The following ASIC2 variants were observed in gnomAD, a reference collection of about 807,000 sequenced individuals.
ASIC2 encodes the protein acid-sensing ion channel 2.
In ASIC2, 25 loss-of-function variants were observed where a neutral mutation model predicts 57.3. The observed-to-expected ratio is 0.44, with a 90% confidence interval of 0.32 to 0.61. The LOEUF (loss-of-function observed/expected upper bound fraction) is 0.61, where lower values mean the gene tolerates loss of function less well. ASIC2 is among the 20% of genes least tolerant of loss of function. The pLI is 0.06. For missense variants in ASIC2, 641 were observed against 738.1 expected (o/e 0.87, Z 1.52); for synonymous variants, 319 against 307.5 (o/e 1.04, Z -0.39).
chr17:33,877,499 G>A (rs777919065), intron 1 of ASIC2, among the ~76,000 whole-genome samples: 10 of 152,202 alleles, frequency 6.6e-5, no homozygotes, highest in Admixed American at 3.3e-4. Context: ...AGGGTCCTAC[G>A]CCCATGCAGC....
intron 1 of ASIC2, among the ~76,000 whole-genome samples, chr17:33,696,466 T>C (rs993115505): frequency 6.6e-6 from 1 of 152,160 alleles, no homozygotes; most frequent in Non-Finnish European, 1.5e-5. Flanking sequence ...TTTTTACATA[T>C]ATGAGGGGAA....
intron 1 of ASIC2, among the ~76,000 whole-genome samples, chr17:33,963,456 G>A (rs1904986732): frequency 6.6e-6 from 1 of 152,144 alleles, no homozygotes; most frequent in Admixed American, 6.5e-5. Context: ...CAAAAAGGAA[G>A]CATCTGTTCT....
At chr17:33,883,820 C>A (rs568818001) in intron 1 of ASIC2, among the ~76,000 whole-genome samples, 3 of 152,286 alleles carry the variant, frequency 2.0e-5, no homozygotes, top group African/African-American at 7.2e-5. Context: ...CAACAAAAAC[C>A]AACATTCACA....
At chr17:33,843,992 C>A (rs1913510342) in intron 1 of ASIC2, among the ~76,000 whole-genome samples, 1 of 152,150 alleles carries the variant, frequency 6.6e-6, no homozygotes, top group Admixed American at 6.5e-5. Flanking sequence ...GTGGAACTGT[C>A]TAATTCTCCA....
At chr17:33,269,165 C>T (rs567000590) in intron 1 of ASIC2, among the ~76,000 whole-genome samples, 1 of 152,242 alleles carries the variant, frequency 6.6e-6, no homozygotes, top group African/African-American at 2.4e-5. Context: ...AGATTCAGAC[C>T]AGTTTTTGTG....
intron 1 of ASIC2, among the ~76,000 whole-genome samples, chr17:34,116,914 T>C (rs1911441367): frequency 6.6e-6 from 1 of 152,086 alleles, no homozygotes. Context: ...ACCAAGTGTA[T>C]GCAATGTGAA....
At chr17:33,182,846 G>C (rs940781867) in intron 1 of ASIC2, among the ~76,000 whole-genome samples, 3 of 152,044 alleles carry the variant, frequency 2.0e-5, no homozygotes, top group African/African-American at 7.2e-5. Context: ...ATTCGTTCCC[G>C]CCCAAACTCG....
At chr17:33,646,908 G>A (rs377557317) in intron 1 of ASIC2, among the ~76,000 whole-genome samples, 3 of 152,076 alleles carry the variant, frequency 2.0e-5, no homozygotes, top group Admixed American at 6.5e-5. Flanking sequence ...AGTGAATGGC[G>A]CAGGGGGCAG....
At chr17:33,544,402 C>A (rs1312994410) in intron 1 of ASIC2, among the ~76,000 whole-genome samples, 1 of 152,164 alleles carries the variant, frequency 6.6e-6, no homozygotes, top group African/African-American at 2.4e-5. Context: ...TGGGTAAATA[C>A]CCACGAGTGG....
At chr17:34,048,354 C>T (rs1467511092) in intron 1 of ASIC2, among the ~76,000 whole-genome samples, 3 of 152,222 alleles carry the variant, frequency 2.0e-5, no homozygotes, top group Non-Finnish European at 2.9e-5. Flanking sequence ...CTACATTCCT[C>T]TTGGTGCTTC....
At chr17:33,852,702 A>G (rs1305601446) in intron 1 of ASIC2, among the ~76,000 whole-genome samples, 1 of 152,164 alleles carries the variant, frequency 6.6e-6, no homozygotes, top group African/African-American at 2.4e-5. Flanking sequence ...TGATAAGGAC[A>G]CTGTTTCTCC....
intron 1 of ASIC2, among the ~76,000 whole-genome samples, chr17:33,969,099 TGCATAAGACTCTCCAGGTAATTACAA>T (rs1905151498): frequency 6.6e-6 from 1 of 152,188 alleles, no homozygotes. Flanking sequence ...CGTCTGTATT[TGCATAAGACTCTCCAGGTAATTACAA>T]GCATGGCCCG....
chr17:33,749,774 T>C (rs1910373256), intron 1 of ASIC2, among the ~76,000 whole-genome samples: 1 of 152,194 alleles, frequency 6.6e-6, no homozygotes, highest in African/African-American at 2.4e-5. Context: ...GTCTCTGTCA[T>C]GCTCAGGCCT....
At chr17:33,454,981 G>A (rs960023348) in intron 1 of ASIC2, among the ~76,000 whole-genome samples, 2 of 152,138 alleles carry the variant, frequency 1.3e-5, no homozygotes, top group African/African-American at 4.8e-5. Context: ...TCCAACATAC[G>A]AATTTTGGAG....
At chr17:33,146,028 C>T (rs2142023515) in intron 1 of ASIC2, among the ~76,000 whole-genome samples, 1 of 152,326 alleles carries the variant, frequency 6.6e-6, no homozygotes, top group East Asian at 1.9e-4. Flanking sequence ...ACATTTCCTG[C>T]TCTTAGCACC....
chr17:33,560,956 C>T (rs1445351107), intron 1 of ASIC2, among the ~76,000 whole-genome samples: 1 of 152,146 alleles, frequency 6.6e-6, no homozygotes, highest in African/African-American at 2.4e-5. Context: ...AATACCACAT[C>T]GCCTCCCTGG....
At chr17:33,882,146 C>G (rs1312942230) in intron 1 of ASIC2, among the ~76,000 whole-genome samples, 1 of 152,190 alleles carries the variant, frequency 6.6e-6, no homozygotes, top group African/African-American at 2.4e-5. Flanking sequence ...AGACCTAAAA[C>G]CATAAAAACC....
At chr17:33,135,946 G>GT (rs2092365370) in intron 1 of ASIC2, among the ~76,000 whole-genome samples, 1 of 152,210 alleles carries the variant, frequency 6.6e-6, no homozygotes, top group South Asian at 2.1e-4. Flanking sequence ...TGAGGCAGCC[G>GT]TGACACATTT....
intron 1 of ASIC2, among the ~76,000 whole-genome samples, chr17:33,237,801 G>T (rs943359170): frequency 2.0e-5 from 3 of 152,200 alleles, no homozygotes; most frequent in Non-Finnish European, 4.4e-5. Context: ...CTTTGGTGTT[G>T]CTATTGCTAA....
Sources: gnomAD v4.1 joint callset for allele counts (sites outside exome capture counted in the v4.1 genomes callset) on GRCh38, gnomAD v4.1.1 for gene constraint, MANE v1.5 for transcripts, NCBI Gene and HGNC (gene_info 2026-07-23, HGNC 2026-07-21) for gene names.